The following RWDD4 variants were observed in gnomAD, a reference collection of about 807,000 sequenced individuals.
RWDD4 encodes the protein RWD domain containing 4.
Under a neutral mutation model 30.0 loss-of-function variants are expected in RWDD4, and 16 were observed. The observed-to-expected ratio is 0.53, with a 90% confidence interval of 0.36 to 0.81. The LOEUF (loss-of-function observed/expected upper bound fraction) is 0.81. Among genes scored for constraint, RWDD4 ranks in the 30% least tolerant of loss-of-function variants. RWDD4 has a pLI of 0.00. For missense variants in RWDD4, 170 were observed against 223.9 expected (o/e 0.76, Z 1.54); for synonymous variants, 45 against 72.1 (o/e 0.62, Z 1.90).
At position 183,650,968 on chromosome 4, in the gene RWDD4, A is replaced by G. The variant is rs1406071855; in HGVS notation, c.363+16T>C. The G allele has an allele frequency of 8.8e-6, 14 of 1,590,154 alleles. No homozygotes were observed. Among genetic ancestry groups the G allele is most frequent in the African/African-American group, 2.7e-5 (2 of 74,006 alleles). ...AACAACAAAAGAATCCGGCAAAAAA[A>G]TAATCACATACTCACTGCGGAATTG... is the stretch of plus-strand genomic sequence containing the variant. On this transcript the variant is annotated intron_variant, in intron 4 of 7. Transcript: ENST00000326397.
chr4:183,657,676 A>G (rs913936836), intron 1 of RWDD4, among the ~76,000 whole-genome samples: 2 of 152,258 alleles, frequency 1.3e-5, no homozygotes. Context: ...GACATTTAAA[A>G]AATTAAAATC....
chr4:183,644,382 A>C (rs896767292), intron 7 of RWDD4, among the ~76,000 whole-genome samples: 5 of 152,250 alleles, frequency 3.3e-5, no homozygotes, highest in African/African-American at 1.2e-4. Flanking sequence ...ACTCCCAGGA[A>C]ATATTTTTGT....
At chr4:183,651,168 A>G (rs1224246340) in intron 3 of RWDD4, 37 bp from the exon 4 acceptor site, 2 of 1,609,970 alleles carry the variant, frequency 1.2e-6, no homozygotes, top group Admixed American at 1.7e-5. Context: ...CTGAGAGAAA[A>G]GTATAACAGA....
intron 7 of RWDD4, among the ~76,000 whole-genome samples, chr4:183,646,066 G>A (rs146932746): frequency 1.3e-5 from 2 of 152,198 alleles, no homozygotes; most frequent in East Asian, 3.9e-4. Flanking sequence ...ACCATGCCCA[G>A]CTCATTTTTG....
intron 7 of RWDD4, among the ~76,000 whole-genome samples, chr4:183,645,628 G>T (rs934598343): frequency 1.3e-5 from 2 of 151,330 alleles, no homozygotes; most frequent in African/African-American, 4.9e-5. Flanking sequence ...AATTAGCCAG[G>T]CATGGTGGCA....
rs1734184978 is a variant in RWDD4, at chr4:183,655,950, T to C, written c.36A>G (p.Glu12=). ...CTCCTTCATAAATAGAGCGTAATGC[T>C]TCTAGTTCCATCTGAAATAAAGAAC... ...SANEDQEMEL[E]ALRSIYEGDE... is the part of the protein sequence containing the mutation. Residue 12 remains glutamate, a synonymous_variant, in exon 2 of 8, where the codon GAA becomes GAG. Coordinates refer to ENST00000326397, the MANE Select transcript of RWDD4 (RefSeq NM_152682.4). 2 of 1,606,992 alleles carry C rather than the reference T, an allele frequency of 1.2e-6. No homozygotes were observed. The highest frequency in any genetic ancestry group is 1.7e-6 in the Non-Finnish European group (2 of 1,175,296).
Position 183,649,570 on chromosome 4 carries a change from TAAA to T in RWDD4, c.364-5_364-3del. 6.6e-6 allele frequency: 8 copies of T among 1,207,514 alleles called. No individual in the cohort carries two copies. Among genetic ancestry groups the T allele is most frequent in the African/African-American group, 1.5e-5 (1 of 64,760 alleles). 74.8% of individuals were successfully genotyped at this position (1,207,514 alleles called of 1,614,324 possible). ...TGAGATGATATTGCTTATCGATGTCTAAAAAAAAAAAGAAATAATTCTCAGCCT... is the reference window on the plus strand; with the variant it reads ...TGAGATGATATTGCTTATCGATGTCTAAAAAAAAGAAATAATTCTCAGCCT... On this transcript the variant is annotated splice_region_variant and splice_polypyrimidine_tract_variant and intron_variant, in intron 4 of 7. Coordinates refer to ENST00000326397, the MANE Select transcript of RWDD4 (RefSeq NM_152682.4).
In RWDD4 at chr4:183,655,865, T is replaced by C; in HGVS notation, c.105+16A>G. The C allele has an allele frequency of 6.5e-7, 1 of 1,541,436 alleles. No individual in the cohort carries two copies. The highest frequency in any genetic ancestry group is 1.1e-5 in the South Asian group (1 of 88,250). On this transcript the variant is annotated intron_variant, in intron 2 of 7. Coordinates refer to ENST00000326397, the MANE Select transcript of RWDD4 (RefSeq NM_152682.4). ...CTAGAAAAGTTCTAAGTGCTCTTAT[T>C]CATGCCATGTCTTACCCTATATTGA... is the stretch of plus-strand genomic sequence containing the variant.
At chr4:183,654,348 AG>A in intron 2 of RWDD4, among the ~76,000 whole-genome samples, 1 of 152,264 alleles carries the variant, frequency 6.6e-6, no homozygotes, top group African/African-American at 2.4e-5. Context: ...CTCATGGTGG[AG>A]TATAAGGGGG....
At chr4:183,657,715 T>G (rs948736049) in intron 1 of RWDD4, among the ~76,000 whole-genome samples, 9 of 152,230 alleles carry the variant, frequency 5.9e-5, no homozygotes, top group African/African-American at 2.2e-4. Flanking sequence ...TCCAGGATAG[T>G]GAAGAGATTA....
At position 183,651,164 on chromosome 4, in the gene RWDD4, G is replaced by A. The variant is rs748906272; in HGVS notation, c.216-33C>T. 4.3e-6 allele frequency: 7 copies of A among 1,611,678 alleles called. No homozygotes were observed. In the South Asian group the frequency reaches 7.7e-5, roughly 18 times the overall value. ...GCACAACAAAAATACCTTGCTGAGA[G>A]AAAAGTATAACAGAGAGTGAAATGA... On this transcript the variant is annotated intron_variant, in intron 3 of 7. Coordinates refer to ENST00000326397, the MANE Select transcript of RWDD4 (RefSeq NM_152682.4).
At chr4:183,653,809 C>G (rs1734130377) in intron 2 of RWDD4, 1 of 152,248 alleles carries the variant, frequency 6.6e-6, no homozygotes, top group Admixed American at 6.5e-5. Context: ...TAAATTATCA[C>G]ATGCCTCACA....
At chr4:183,648,496 A>T (rs1179167888) in intron 5 of RWDD4, among the ~76,000 whole-genome samples, 1 of 152,214 alleles carries the variant, frequency 6.6e-6, no homozygotes, top group Non-Finnish European at 1.5e-5. Context: ...AGAGTTTATT[A>T]TCTTCTTCTA....
chr4:183,655,954 AG>A lies in RWDD4; in HGVS notation c.31del (p.Leu11Ter). ...TTCATAAATAGAGCGTAATGCTTCT[AG>A]TTCCATCTGAAATAAAGAACTGAAT... MSANEDQEME[L>X]EALRSIYEGD... On this transcript the variant is annotated frameshift_variant, in exon 2 of 8. Coordinates refer to ENST00000326397, the MANE Select transcript of RWDD4 (RefSeq NM_152682.4). LOFTEE classifies it high-confidence loss of function. 1 of 1,605,910 alleles carries A rather than the reference AG, an allele frequency of 6.2e-7. No individual in the cohort carries two copies. The highest frequency in any genetic ancestry group is 8.5e-7 in the Non-Finnish European group (1 of 1,173,982).
chr4:183,658,224 A>AG (rs1225140320), intron 1 of RWDD4, among the ~76,000 whole-genome samples: 3 of 152,172 alleles, frequency 2.0e-5, no homozygotes, highest in Non-Finnish European at 4.4e-5. Context: ...ACCACCCAAT[A>AG]AGACCTGGTT....
chr4:183,649,126 A>G (rs1256839790), intron 5 of RWDD4, among the ~76,000 whole-genome samples: 1 of 152,162 alleles, frequency 6.6e-6, no homozygotes, highest in African/African-American at 2.4e-5. Context: ...TAAAAGAAAA[A>G]AAAACGGCTG....
At chr4:183,658,274 G>A (rs1734256981) in intron 1 of RWDD4, among the ~76,000 whole-genome samples, 1 of 152,136 alleles carries the variant, frequency 6.6e-6, no homozygotes, top group Admixed American at 6.5e-5. Context: ...GTGCAGCCCT[G>A]CGGCTATCAT....
At chr4:183,643,928 C>T (rs1018061866) in intron 7 of RWDD4, among the ~76,000 whole-genome samples, 1 of 152,022 alleles carries the variant, frequency 6.6e-6, no homozygotes, top group East Asian at 1.9e-4. Flanking sequence ...CAAAAACAAA[C>T]GAACAAACAA....
At chr4:183,646,921 T>G (rs1307626064) in intron 5 of RWDD4, among the ~76,000 whole-genome samples, 1 of 152,218 alleles carries the variant, frequency 6.6e-6, no homozygotes, top group Non-Finnish European at 1.5e-5. Flanking sequence ...TTCTGTTTAA[T>G]AAATTAGCAT....
Sources: allele counts gnomAD v4.1 joint callset (sites outside exome capture counted in the v4.1 genomes callset), GRCh38; gene constraint gnomAD v4.1.1; transcripts MANE v1.5; gene names NCBI Gene and HGNC (gene_info 2026-07-23, HGNC 2026-07-21).